Variants in PFKFB2 observed in about 807,000 individuals in gnomAD.
PFKFB2 encodes 6-phosphofructo-2-kinase/fructose-2,6-biphosphatase 2, also known as 6-phosphofructo-2-kinase/fructose-2,6-bisphosphatase 2.
In PFKFB2, 53 loss-of-function variants were observed where a neutral mutation model predicts 68.0. That is an observed-to-expected ratio of 0.78 (90% CI 0.63 to 0.98). PFKFB2 has a LOEUF of 0.98. Ranked by LOEUF, PFKFB2 falls within the 50% of genes least tolerant of loss-of-function variation. The pLI, the probability that PFKFB2 is intolerant of heterozygous loss-of-function variation, is 0.00. For missense variants in PFKFB2, 451 were observed against 642.0 expected, an observed-to-expected ratio of 0.70 and a Z score of 3.22; for synonymous variants, 222 against 227.6, an observed-to-expected ratio of 0.98 and a Z score of 0.22.
At position 207,076,236 on chromosome 1, in the gene PFKFB2, A is replaced by G. The variant is rs1683617477; in HGVS notation, c.*3865A>G. The G allele has an allele frequency of 1.0e-6, 1 of 958,450 alleles. No individual in the cohort carries two copies. Among genetic ancestry groups the G allele is most frequent in the Non-Finnish European group, 1.2e-6 (1 of 808,216 alleles). The allele number at this position is 958,450 out of a possible 1,614,324, so 59.4% of individuals were successfully genotyped here. ...TAGCTGTTTGGAAATAAATTCATCT[A>G]TGTTACTTTTTTTTTCTTTTTTTTT... is the stretch of plus-strand genomic sequence containing the variant. On this transcript the variant is annotated 3_prime_UTR_variant, in exon 15 of 15. Transcript: ENST00000367080.
chr1:207,066,071 A>C (rs961994037), intron 8 of PFKFB2, among the ~76,000 whole-genome samples: 7 of 152,180 alleles, frequency 4.6e-5, no homozygotes, highest in South Asian at 2.1e-4. Flanking sequence ...TTTTATATCT[A>C]TCTCTCTCTA....
chr1:207,036,703 C>G (rs1181258708), intron 1 of PFKFB2, among the ~76,000 whole-genome samples: 1 of 152,168 alleles, frequency 6.6e-6, no homozygotes, highest in East Asian at 1.9e-4. Context: ...GTCAGTACAA[C>G]AACAACAAAA....
chr1:207,072,566 G>C lies in PFKFB2; in HGVS notation c.*195G>C. 6.0e-6 allele frequency: 8 copies of C among 1,342,104 alleles called. No homozygotes were observed. The highest frequency in any genetic ancestry group is 4.8e-6 in the Non-Finnish European group (5 of 1,048,646). 83.1% of individuals were successfully genotyped at this position (1,342,104 alleles called of 1,614,324 possible). On this transcript the variant is annotated 3_prime_UTR_variant, in exon 15 of 15. Transcript: ENST00000367080. ...GACAACTTAAGCTGTTCTTCAGTTT[G>C]AAACATCTTTTCACCCAGGGGCAAG... is the stretch of plus-strand genomic sequence containing the variant.
chr1:207,041,210 G>A (rs1682474950), intron 1 of PFKFB2, among the ~76,000 whole-genome samples: 1 of 151,268 alleles, frequency 6.6e-6, no homozygotes, highest in South Asian at 2.1e-4. Context: ...TTACAGGCAT[G>A]AGCCACCGCG....
chr1:207,071,308 T>C, intron 13 of PFKFB2, 58 bp downstream of exon 13: 3 of 1,453,298 alleles, frequency 2.1e-6, no homozygotes, highest in South Asian at 1.1e-5. Flanking sequence ...CAGAATTTTC[T>C]CTGAAGTTTG....
At position 207,069,424 on chromosome 1, in the gene PFKFB2, G is replaced by C. The variant is rs1309582719; in HGVS notation, c.988G>C (p.Gly330Arg). The change falls in exon 11 of 15, where the codon GGT becomes CGT. Residue 330 changes from glycine to arginine, a missense_variant and splice_region_variant. Transcript: ENST00000367080. Reference protein sequence around the residue: ...QWKILNEIDAGVCEEMTYAEI... With the variant: ...QWKILNEIDARVCEEMTYAEI... ...GCCAGCTTCAAGTGGCTTTTTGCAG[G>C]GTGTGTGTGAAGAGATGACCTATGC... is the stretch of plus-strand genomic sequence containing the variant. 2 of 1,611,104 alleles carry C rather than the reference G, an allele frequency of 1.2e-6. No homozygotes were observed. The highest frequency in any genetic ancestry group is 1.7e-6 in the Non-Finnish European group (2 of 1,177,576).
rs554645385 is a variant in PFKFB2, at chr1:207,057,567, C to G, written c.85+2765C>G. 1.5e-4 allele frequency among the ~76,000 whole-genome samples: 22 copies of G among 147,774 alleles called. 1 individual carries two copies. In the South Asian group the frequency reaches 4.7e-3, roughly 31 times the overall value. On this transcript the variant is annotated intron_variant, in intron 2 of 14. Coordinates refer to ENST00000367080, the MANE Select transcript of PFKFB2 (RefSeq NM_006212.2). ...TTTTTTTGAGTAGTTCTGGAACAGA[C>G]AAATTCTTCCATGTACCTTTCCCTA...
chr1:207,068,095 AGTGTGTGT>A, intron 9 of PFKFB2, 60 bp from the exon 10 acceptor site: 5 of 1,093,560 alleles, frequency 4.6e-6, no homozygotes, highest in Non-Finnish European at 6.5e-6. Context: ...GTGTGTGTTG[AGTGTGTGT>A]GTGTGTGTGT....
At chr1:207,035,208 C>G in intron 1 of PFKFB2, 1 of 985,584 alleles carries the variant, frequency 1.0e-6, no homozygotes, top group Non-Finnish European at 1.2e-6. Flanking sequence ...CTGTTGTGGT[C>G]ATCTCTTTGA....
In PFKFB2 at chr1:207,070,425, G is replaced by T; in HGVS notation, c.1222+16G>T. 6.2e-7 allele frequency: 1 copy of T among 1,612,386 alleles called. No homozygotes were observed. Among genetic ancestry groups the T allele is most frequent in the Middle Eastern group, 1.7e-4 (1 of 5,818 alleles). On this transcript the variant is annotated intron_variant, in intron 12 of 14. Coordinates refer to ENST00000367080, the MANE Select transcript of PFKFB2 (RefSeq NM_006212.2). The surrounding 1 kb of genome is among the most constrained non-coding windows in gnomAD (Gnocchi z 4.2). ...AAGGGCGCAGGTGCCTTTGAGGGAGGGGCTGGGAGACACATCCAGTGGGAG... is the reference window on the plus strand; with the variant it reads ...AAGGGCGCAGGTGCCTTTGAGGGAGTGGCTGGGAGACACATCCAGTGGGAG...
chr1:207,069,974 G>A (rs1683416965), intron 11 of PFKFB2, among the ~76,000 whole-genome samples: 1 of 152,052 alleles, frequency 6.6e-6, no homozygotes, highest in African/African-American at 2.4e-5. Flanking sequence ...AAACCCCTAG[G>A]AGTCTCTTGT....
chr1:207,047,491 T>C (rs1682628162), intron 2 of PFKFB2: 1 of 152,630 alleles, frequency 6.6e-6, no homozygotes, highest in African/African-American at 2.4e-5. Context: ...CTTTAAAGTA[T>C]ACCACTGAAT....
intron 2 of PFKFB2, among the ~76,000 whole-genome samples, chr1:207,058,027 A>G (rs1210987580): frequency 3.3e-5 from 5 of 152,244 alleles, no homozygotes; most frequent in African/African-American, 1.2e-4. Context: ...CAGTATTACT[A>G]ATTTGCTCTC....
chr1:207,067,576 A>C lies in PFKFB2; in HGVS notation c.710A>C (p.Lys237Thr). 1 of 1,613,964 alleles carries C rather than the reference A, an allele frequency of 6.2e-7. No homozygotes were observed. Among genetic ancestry groups the C allele is most frequent in the Non-Finnish European group, 8.5e-7 (1 of 1,179,862 alleles). Residue 237 changes from lysine (K) to threonine (T), a missense_variant, in exon 9 of 15, where the codon AAG (lysine) becomes ACG (threonine). Transcript: ENST00000367080. ...AGAGTCCAGGACTACATCCAGAGCA[A>C]GATAGTCTACTACCTCATGAATATC... is the stretch of plus-strand genomic sequence containing the variant. ...VNRVQDYIQS[K>T]IVYYLMNIHV...
chr1:207,040,786 T>A (rs898358683), intron 1 of PFKFB2, among the ~76,000 whole-genome samples: 2 of 152,134 alleles, frequency 1.3e-5, no homozygotes, highest in African/African-American at 2.4e-5. Context: ...CTTTGCCAAA[T>A]ACATGTCCTG....
chr1:207,059,205 G>C (rs570321495), intron 2 of PFKFB2, among the ~76,000 whole-genome samples: 12 of 152,314 alleles, frequency 7.9e-5, no homozygotes, highest in Non-Finnish European at 1.8e-4. Flanking sequence ...CTGTCCACAT[G>C]GGTAAACAAG....
At chr1:207,039,218 C>T (rs999811604) in intron 1 of PFKFB2, among the ~76,000 whole-genome samples, 1 of 152,116 alleles carries the variant, frequency 6.6e-6, no homozygotes, top group Non-Finnish European at 1.5e-5. Flanking sequence ...TCAATGTACT[C>T]CATAATATTA....
chr1:207,051,214 G>T, upstream of PFKFB2: 1 of 1,201,344 alleles, frequency 8.3e-7, no homozygotes, highest in Non-Finnish European at 1.1e-6. Context: ...CGAGTGAGGT[G>T]CCCTCCGCGT....
chr1:207,049,530 G>T (rs780399188), upstream of PFKFB2: 1 of 1,614,126 alleles, frequency 6.2e-7, no homozygotes, highest in Non-Finnish European at 8.5e-7. Flanking sequence ...TCATCTCAGG[G>T]GCACAAGCTG....
Sources: allele counts gnomAD v4.1 joint callset (sites outside exome capture counted in the v4.1 genomes callset), GRCh38; gene constraint gnomAD v4.1.1; non-coding constraint Gnocchi (gnomAD v3.1); transcripts MANE v1.5; gene names NCBI Gene and HGNC (gene_info 2026-07-23, HGNC 2026-07-21).